Variants in EHD4 observed in about 807,000 individuals in gnomAD.
The protein encoded by EHD4 is EH domain-containing protein 4.
A neutral mutation model predicts 51.0 loss-of-function variants in EHD4; 37 were observed. That is an observed-to-expected ratio of 0.73 (90% CI 0.56 to 0.95). The LOEUF is 0.95. EHD4 is among the 40% of genes least tolerant of loss of function. EHD4 has a pLI of 0.00. For missense variants in EHD4, 632 were observed against 733.1 expected (o/e 0.86, Z 1.59); for synonymous variants, 297 against 317.3 (o/e 0.94, Z 0.68).
chr15:41,909,085 C>T (rs78585189), intron 5 of EHD4, among the ~76,000 whole-genome samples: 2 of 152,214 alleles, frequency 1.3e-5, no homozygotes, highest in African/African-American at 2.4e-5. Context: ...GTAGATATGC[C>T]GGTCAGGGCA....
Position 41,896,830 on chromosome 15 carries a change from C to T in EHD4, c.*3815G>A, listed in dbSNP as rs2067441821. ...GCCTCTGCTGCCTACCCTCTTCTGT[C>T]CCCACCTGATGGGGCCGCTTTCCTT... On this transcript the variant is annotated 3_prime_UTR_variant, in exon 6 of 6. Coordinates refer to ENST00000220325, the MANE Select transcript of EHD4 (RefSeq NM_139265.4). 1 of 152,254 alleles carries T rather than the reference C, an allele frequency of 6.6e-6. No homozygotes were observed. The highest frequency in any genetic ancestry group is 1.5e-5 in the Non-Finnish European group (1 of 68,080). The allele number at this position is 152,254 out of a possible 1,614,324, so 9.4% of individuals were successfully genotyped here. A position where few individuals can be genotyped will look rare whatever the true frequency, so the allele number is the denominator to read the frequency against.
intron 4 of EHD4, among the ~76,000 whole-genome samples, chr15:41,912,026 C>T (rs1019896302): frequency 1.3e-5 from 2 of 152,186 alleles, no homozygotes; most frequent in Admixed American, 1.3e-4. Context: ...CTGATGTGCA[C>T]CTGCCACACC....
chr15:41,946,185 C>T (rs772264174), intron 2 of EHD4, among the ~76,000 whole-genome samples: 12 of 152,318 alleles, frequency 7.9e-5, no homozygotes, highest in Middle Eastern at 3.4e-3. Context: ...CTACATTTCA[C>T]GTAAAATATG....
chr15:41,930,568 C>T (rs1209956690), intron 3 of EHD4, among the ~76,000 whole-genome samples: 1 of 152,098 alleles, frequency 6.6e-6, no homozygotes, highest in Non-Finnish European at 1.5e-5. Context: ...TCATAAAGGG[C>T]TAGAAAGCAA....
intron 2 of EHD4, among the ~76,000 whole-genome samples, chr15:41,945,481 A>G (rs1229471709): frequency 6.6e-6 from 1 of 152,136 alleles, no homozygotes; most frequent in Non-Finnish European, 1.5e-5. Flanking sequence ...GGATGGCTGA[A>G]AAAGAGAGGA....
At chr15:41,946,284 A>C (rs549575096) in intron 2 of EHD4, among the ~76,000 whole-genome samples, 1 of 152,312 alleles carries the variant, frequency 6.6e-6, no homozygotes, top group East Asian at 1.9e-4. Context: ...TAAGAGAAGA[A>C]GACGGAGCAA....
At chr15:41,917,325 T>C (rs8025091) in intron 4 of EHD4, among the ~76,000 whole-genome samples, 17 of 152,220 alleles carry the variant, frequency 1.1e-4, no homozygotes, top group African/African-American at 4.1e-4. Context: ...TTCAATATGT[T>C]GGCCAGACTG....
chr15:41,936,739 C>T (rs1348646618), intron 3 of EHD4, among the ~76,000 whole-genome samples: 2 of 152,202 alleles, frequency 1.3e-5, no homozygotes, highest in African/African-American at 2.4e-5. Context: ...GGCTGGCGAA[C>T]GCTGTTGTGA....
At chr15:41,956,356 C>T (rs2067887986) in intron 1 of EHD4, among the ~76,000 whole-genome samples, 1 of 152,186 alleles carries the variant, frequency 6.6e-6, no homozygotes, top group Admixed American at 6.5e-5. Flanking sequence ...GGGAGGTGAG[C>T]ATACGGATAT....
intron 1 of EHD4, among the ~76,000 whole-genome samples, chr15:41,969,544 C>CAA (rs61434884): frequency 0.11 from 15,979 of 147,052 alleles, 922 homozygotes; most frequent in South Asian, 0.26. Flanking sequence ...GAAACTGTCT[C>CAA]AAAAAAAAAA....
chr15:41,909,932 G>T (rs376214140), intron 4 of EHD4, 69 bp from the exon 5 acceptor site: 3 of 1,578,486 alleles, frequency 1.9e-6, no homozygotes, highest in Non-Finnish European at 1.7e-6. Context: ...AAACAAGATT[G>T]CATCTTAACT....
chr15:41,945,449 A>G (rs2067805230), intron 2 of EHD4, among the ~76,000 whole-genome samples: 2 of 152,168 alleles, frequency 1.3e-5, no homozygotes, highest in African/African-American at 2.4e-5. Context: ...ATGGCATACA[A>G]GCGGGCAAAG....
intron 2 of EHD4, among the ~76,000 whole-genome samples, chr15:41,947,230 A>G (rs990632968): frequency 2.6e-5 from 4 of 152,196 alleles, no homozygotes; most frequent in African/African-American, 9.7e-5. Flanking sequence ...ATCCTAAAAC[A>G]AAGGGGTGAC....
At chr15:41,912,328 G>A (rs751825796) in intron 4 of EHD4, among the ~76,000 whole-genome samples, 21 of 152,122 alleles carry the variant, frequency 1.4e-4, no homozygotes, top group Non-Finnish European at 2.6e-4. Context: ...ATGTCCACCC[G>A]CGTCCTGCCC....
intron 1 of EHD4, among the ~76,000 whole-genome samples, chr15:41,971,448 G>A (rs1329821891): frequency 6.6e-6 from 1 of 152,220 alleles, no homozygotes; most frequent in Non-Finnish European, 1.5e-5. Flanking sequence ...ATCTGTTTCT[G>A]TCTAAATAAT....
chr15:41,921,595 C>T (rs2067626066), intron 3 of EHD4: 1 of 152,206 alleles, frequency 6.6e-6, no homozygotes, highest in African/African-American at 2.4e-5. Flanking sequence ...CATAGATGGA[C>T]CTGCATGGGG....
chr15:41,965,625 C>T (rs928175820), intron 1 of EHD4, among the ~76,000 whole-genome samples: 5 of 152,176 alleles, frequency 3.3e-5, no homozygotes, highest in Non-Finnish European at 4.4e-5. Flanking sequence ...CTCAGGAGGT[C>T]TGAGGTGGGG....
At chr15:41,933,850 C>G (rs2067713699) in intron 3 of EHD4, among the ~76,000 whole-genome samples, 1 of 152,130 alleles carries the variant, frequency 6.6e-6, no homozygotes, top group African/African-American at 2.4e-5. Flanking sequence ...GGCGGGGGTG[C>G]TCCTGCAAGC....
chr15:41,954,555 A>G (rs1340789040), intron 1 of EHD4, among the ~76,000 whole-genome samples: 1 of 152,222 alleles, frequency 6.6e-6, no homozygotes, highest in East Asian at 1.9e-4. Context: ...TCAAATGCCA[A>G]ATACAATTTT....
Sources: allele counts gnomAD v4.1 joint callset (sites outside exome capture counted in the v4.1 genomes callset), GRCh38; gene constraint gnomAD v4.1.1; transcripts MANE v1.5; gene names NCBI Gene and HGNC (gene_info 2026-07-23, HGNC 2026-07-21).